NGEF: variants seen among roughly 807,000 people sequenced by gnomAD.
The protein encoded by NGEF is neuronal guanine nucleotide exchange factor, also known as ephexin-1.
In NGEF, 31 loss-of-function variants were observed where a neutral mutation model predicts 80.9. The observed-to-expected ratio is 0.38, with a 90% CI of 0.29 to 0.52. The LOEUF (loss-of-function observed/expected upper bound fraction) is 0.52, where lower values mean the gene tolerates loss of function less well. NGEF is among the 20% of genes least tolerant of loss of function. NGEF has a pLI of 0.84. For missense variants in NGEF, 709 were observed against 926.2 expected (o/e 0.77, Z 3.04); for synonymous variants, 371 against 370.2 (o/e 1.00, Z -0.03).
At chr2:232,974,590 G>C in intron 2 of NGEF, 33 bp downstream of exon 2, 1 of 1,602,324 alleles carries the variant, frequency 6.2e-7, no homozygotes, top group East Asian at 2.2e-5. Context: ...TGGATGTAAG[G>C]GAACAGCCGT....
intron 5 of NGEF, among the ~76,000 whole-genome samples, chr2:232,902,574 T>C (rs551461591): frequency 6.6e-6 from 1 of 152,376 alleles, no homozygotes; most frequent in South Asian, 2.1e-4. Context: ...ATTACTACGT[T>C]TTCTCAAGAT....
At chr2:232,927,234 T>A in intron 3 of NGEF, 48 bp from the exon 4 acceptor site, 1 of 1,509,976 alleles carries the variant, frequency 6.6e-7, no homozygotes, top group Non-Finnish European at 8.8e-7. Context: ...TAAGCAAGGA[T>A]TCACCTCGGC....
chr2:232,953,622 G>A (rs1436503251), intron 3 of NGEF, among the ~76,000 whole-genome samples: 2 of 152,064 alleles, frequency 1.3e-5, no homozygotes, highest in Non-Finnish European at 2.9e-5. Context: ...CTGCCTAGGG[G>A]GAGATCTGCC....
At chr2:232,881,466 G>A (rs1691503115) in intron 13 of NGEF, among the ~76,000 whole-genome samples, 1 of 152,158 alleles carries the variant, frequency 6.6e-6, no homozygotes, top group African/African-American at 2.4e-5. Context: ...GCTGTGAGGG[G>A]GCCTTAGTTT....
chr2:232,905,258 C>T (rs1029325112), intron 5 of NGEF, among the ~76,000 whole-genome samples: 2 of 152,232 alleles, frequency 1.3e-5, no homozygotes, highest in African/African-American at 4.8e-5. Flanking sequence ...CGCGCCGCCA[C>T]GCCTGACTGG....
intron 4 of NGEF, among the ~76,000 whole-genome samples, chr2:232,926,238 GA>G (rs1317468091): frequency 6.6e-6 from 1 of 152,034 alleles, no homozygotes; most frequent in Admixed American, 6.6e-5. Flanking sequence ...AATGAAGAAC[GA>G]AAAGACTTCT....
intron 5 of NGEF, among the ~76,000 whole-genome samples, chr2:232,914,889 C>T (rs763601625): frequency 1.3e-5 from 2 of 151,690 alleles, no homozygotes; most frequent in Non-Finnish European, 2.9e-5. Flanking sequence ...TGGTGGTGCA[C>T]GCCTGTAATC....
intron 3 of NGEF, chr2:232,927,849 C>G (rs1323972586): frequency 8.2e-7 from 1 of 1,215,304 alleles, no homozygotes; most frequent in South Asian, 3.1e-5. Flanking sequence ...GAAAGAGGCA[C>G]GCGGGGGCGG....
intron 3 of NGEF, chr2:232,928,229 G>A: frequency 2.1e-6 from 2 of 957,672 alleles, no homozygotes; most frequent in Non-Finnish European, 2.5e-6. Flanking sequence ...GCGCGCGGCG[G>A]GGGCGAGGCC....
Position 232,898,083 on chromosome 2 carries a change from C to G in NGEF, c.829-3167G>C, listed in dbSNP as rs555058242. ...CGGGCAGCCAGTTTCCCAGAAGCTT[C>G]TCAGCTACAGATGCTGTTATGAATT... On this transcript the variant is annotated intron_variant, in intron 5 of 14. Transcript: ENST00000264051. Among the ~76,000 whole-genome samples, 6 of 152,316 alleles carry G rather than the reference C, an allele frequency of 3.9e-5. No individual in the cohort carries two copies. The East Asian group carries it at 1.2e-3, about 29-fold the overall frequency.
chr2:232,935,531 T>C (rs928819115), intron 3 of NGEF, among the ~76,000 whole-genome samples: 5 of 152,230 alleles, frequency 3.3e-5, no homozygotes, highest in East Asian at 3.9e-4. Flanking sequence ...GGCAGGAGAA[T>C]TGCTTGAGCC....
chr2:232,919,981 C>T (rs1235784327), intron 5 of NGEF, among the ~76,000 whole-genome samples: 1 of 152,174 alleles, frequency 6.6e-6, no homozygotes, highest in Non-Finnish European at 1.5e-5. Context: ...GGCATTCACG[C>T]GTGACGGAAA....
intron 9 of NGEF, among the ~76,000 whole-genome samples, chr2:232,886,459 G>A (rs1027158999): frequency 2.6e-5 from 4 of 152,214 alleles, no homozygotes; most frequent in Non-Finnish European, 4.4e-5. Flanking sequence ...GTGCACAGGT[G>A]TGTGTGCACA....
At chr2:232,998,938 G>A (rs1694912355) in intron 1 of NGEF, among the ~76,000 whole-genome samples, 1 of 152,156 alleles carries the variant, frequency 6.6e-6, no homozygotes, top group African/African-American at 2.4e-5. Context: ...GGTGGGTTCT[G>A]CCCGCTCATA....
At chr2:232,958,499 A>G (rs1693879891) in intron 3 of NGEF, among the ~76,000 whole-genome samples, 1 of 152,164 alleles carries the variant, frequency 6.6e-6, no homozygotes, top group Admixed American at 6.6e-5. Flanking sequence ...ATTTGCAAGT[A>G]TTGAGGCCTT....
intron 8 of NGEF, among the ~76,000 whole-genome samples, chr2:232,888,443 CACA>C (rs1473429935): frequency 2.0e-5 from 3 of 152,188 alleles, no homozygotes; most frequent in Admixed American, 1.3e-4. Context: ...CTCACACATG[CACA>C]ACACGATGCA....
At position 232,881,250 on chromosome 2, in the gene NGEF, T is replaced by G; in HGVS notation, c.1838A>C (p.Asp613Ala). 1 of 1,605,892 alleles carries G rather than the reference T, an allele frequency of 6.2e-7. No individual in the cohort carries two copies. Among genetic ancestry groups the G allele is most frequent in the Non-Finnish European group, 8.5e-7 (1 of 1,179,762 alleles). The change falls in exon 14 of 15, where the codon GAC becomes GCC. Residue 613 changes from aspartate to alanine, a missense_variant and splice_region_variant. Asp to Ala is a moderately radical substitution (Grantham distance 126). Transcript: ENST00000264051. Reference protein sequence around the residue: ...KFVSFTSRLLDCPQVQCVHPY... With the variant: ...KFVSFTSRLLACPQVQCVHPY... ...GTGCACGCACTGGACCTGGGGGCAG[T>G]CTGAGGGACAAGAGGCACGGGCACA...
intron 1 of NGEF, among the ~76,000 whole-genome samples, chr2:232,976,453 C>T (rs938571): frequency 0.58 from 88,761 of 151,954 alleles, 27,090 homozygotes; most frequent in African/African-American, 0.73. Context: ...GGTGGTCTGG[C>T]AGAATAGTCA....
chr2:232,973,851 T>C (rs908829966), intron 2 of NGEF, among the ~76,000 whole-genome samples: 2 of 152,222 alleles, frequency 1.3e-5, no homozygotes, highest in African/African-American at 4.8e-5. Flanking sequence ...GGCAAACAGC[T>C]ACCCAATACA....
Sources: gnomAD v4.1 joint callset for allele counts (sites outside exome capture counted in the v4.1 genomes callset) on GRCh38, gnomAD v4.1.1 for gene constraint, MANE v1.5 for transcripts, NCBI Gene and HGNC (gene_info 2026-07-23, HGNC 2026-07-21) for gene names.